ZNF423: variants seen among roughly 807,000 people sequenced by gnomAD.
ZNF423 encodes the protein Ebf-associated zinc finger protein.
ZNF423 carries 12 observed loss-of-function variants against 95.8 expected under a neutral mutation model. The observed-to-expected ratio is 0.13, with a 90% CI of 0.08 to 0.20. ZNF423 has a LOEUF of 0.20. Among genes scored for constraint, ZNF423 ranks in the 10% least tolerant of loss-of-function variants. The probability of loss-of-function intolerance (pLI) is 1.00; values close to 1 mark genes in which losing one functional copy is unlikely to be tolerated. For missense variants in ZNF423, 1,316 were observed against 1,737.1 expected (o/e 0.76, Z 4.31); for synonymous variants, 749 against 711.9 (o/e 1.05, Z -0.83).
At chr16:49,715,747 A>C (rs1328952449) in intron 3 of ZNF423, among the ~76,000 whole-genome samples, 4 of 151,554 alleles carry the variant, frequency 2.6e-5, no homozygotes. Flanking sequence ...CCTGTCTCCC[A>C]ACAACAAAAG....
At chr16:49,522,292 C>A (rs1188234895) in intron 7 of ZNF423, among the ~76,000 whole-genome samples, 1 of 152,170 alleles carries the variant, frequency 6.6e-6, no homozygotes, top group African/African-American at 2.4e-5. Context: ...TTACTCTAGT[C>A]AACACAATGT....
At chr16:49,580,545 A>G (rs1198997239) in intron 5 of ZNF423, among the ~76,000 whole-genome samples, 2 of 152,176 alleles carry the variant, frequency 1.3e-5, no homozygotes, top group Admixed American at 6.5e-5. Context: ...AGTTAGCTCA[A>G]AGCAGAACTT....
intron 1 of ZNF423, among the ~76,000 whole-genome samples, chr16:49,811,795 G>A (rs911539829): frequency 2.9e-5 from 2 of 68,614 alleles, no homozygotes; most frequent in Non-Finnish European, 5.7e-5. Context: ...CCCAGGCCCC[G>A]CCTGACCGCC....
At chr16:49,717,593 C>T (rs867983024) in intron 3 of ZNF423, among the ~76,000 whole-genome samples, 1 of 152,228 alleles carries the variant, frequency 6.6e-6, no homozygotes, top group Non-Finnish European at 1.5e-5. Context: ...CTGGGTCCTT[C>T]GCCCTTCACT....
At chr16:49,677,335 G>GAA (rs2031144571) in intron 3 of ZNF423, among the ~76,000 whole-genome samples, 3 of 36,412 alleles carry the variant, frequency 8.2e-5, no homozygotes, top group African/African-American at 1.9e-4. Flanking sequence ...GGGGAGGGGA[G>GAA]GGGAGGGGAG....
chr16:49,788,633 C>T (rs1476958307), intron 2 of ZNF423, among the ~76,000 whole-genome samples: 1 of 152,214 alleles, frequency 6.6e-6, no homozygotes, highest in Non-Finnish European at 1.5e-5. Context: ...TAGGATTCTG[C>T]AAGACTGAAG....
rs191203194 is a variant in ZNF423 at position 49,805,054 on chromosome 16, C to T, written c.41-15508G>A. 8.7e-4 allele frequency among the ~76,000 whole-genome samples: 132 copies of T among 152,072 alleles called. 1 individual carries two copies. The highest frequency in any genetic ancestry group is 8.4e-3 in the Admixed American group (128 of 15,268). On this transcript the variant is annotated intron_variant, in intron 1 of 7. Coordinates refer to ENST00000563137, the MANE Select transcript of ZNF423 (RefSeq NM_001379286.1). ...AGCTGGGATTACAGGTGCCCACCACCGCACCCAGCTAATTTTTGTATATTT... is the reference window on the plus strand; with the variant it reads ...AGCTGGGATTACAGGTGCCCACCACTGCACCCAGCTAATTTTTGTATATTT...
chr16:49,523,465 G>A (rs1231008011), intron 7 of ZNF423, among the ~76,000 whole-genome samples, 159 bp downstream of exon 7: 1 of 152,232 alleles, frequency 6.6e-6, no homozygotes, highest in African/African-American at 2.4e-5. Flanking sequence ...CAGAGGCCAG[G>A]GGGCTGAAAC....
chr16:49,773,994 C>T (rs572517057), intron 2 of ZNF423, among the ~76,000 whole-genome samples: 2 of 152,292 alleles, frequency 1.3e-5, no homozygotes, highest in South Asian at 2.1e-4. Context: ...CAGACATGCA[C>T]GAGCTCAAGG....
At chr16:49,731,264 A>T (rs2033161815) in intron 2 of ZNF423, 2 of 964,682 alleles carry the variant, frequency 2.1e-6, no homozygotes, top group Non-Finnish European at 1.2e-6. Context: ...GAAAAACCTT[A>T]TTTGTCTCCT....
At chr16:49,858,607 C>T (rs1035844823), upstream of ZNF423, among the ~76,000 whole-genome samples, 4 of 152,126 alleles carry the variant, frequency 2.6e-5, no homozygotes, top group African/African-American at 4.8e-5. This position sits in a 1 kb window ranked among gnomAD's most constrained non-coding sequence, Gnocchi z 4.3. Flanking sequence ...AGACCTAAGC[C>T]TTGAGGGCCG....
intron 3 of ZNF423, among the ~76,000 whole-genome samples, chr16:49,705,556 C>T (rs1334033603): frequency 6.6e-6 from 1 of 152,014 alleles, no homozygotes. Flanking sequence ...ATTTTTTGTG[C>T]GTGATTTTGA....
intron 3 of ZNF423, among the ~76,000 whole-genome samples, chr16:49,696,758 C>T (rs2031989844): frequency 6.6e-6 from 1 of 152,042 alleles, no homozygotes; most frequent in Non-Finnish European, 1.5e-5. Context: ...TGACCTCAGG[C>T]AAGCCCCCCC....
intron 7 of ZNF423, among the ~76,000 whole-genome samples, chr16:49,517,054 G>C (rs548038688): frequency 5.9e-5 from 9 of 152,214 alleles, no homozygotes; most frequent in Non-Finnish European, 1.0e-4. Context: ...AAGTCAGGCT[G>C]TAGAGAGAGA....
At chr16:49,703,883 T>C (rs1336004037) in intron 3 of ZNF423, among the ~76,000 whole-genome samples, 1 of 152,092 alleles carries the variant, frequency 6.6e-6, no homozygotes, top group Non-Finnish European at 1.5e-5. Context: ...CCCAGCCCAG[T>C]GCCCGGCACA....
intron 3 of ZNF423, among the ~76,000 whole-genome samples, chr16:49,687,983 A>G (rs796765517): frequency 3.9e-5 from 6 of 151,942 alleles, no homozygotes; most frequent in African/African-American, 1.4e-4. Context: ...CCCTCCCAAA[A>G]AACAGCCAGA....
intron 3 of ZNF423, among the ~76,000 whole-genome samples, chr16:49,722,712 G>GA (rs780741072): frequency 1.2e-4 from 18 of 152,250 alleles, no homozygotes; most frequent in Admixed American, 9.8e-4. Flanking sequence ...CAGGAGGGCT[G>GA]TAGCCTCCTT....
At chr16:49,770,212 G>GAATT (rs922363135) in intron 2 of ZNF423, among the ~76,000 whole-genome samples, 4 of 151,878 alleles carry the variant, frequency 2.6e-5, no homozygotes, top group Non-Finnish European at 4.4e-5. Context: ...ACGAATGAAT[G>GAATT]AATGAATGAA....
intron 2 of ZNF423, among the ~76,000 whole-genome samples, chr16:49,785,360 C>G (rs2034293841): frequency 6.6e-6 from 1 of 152,192 alleles, no homozygotes; most frequent in Non-Finnish European, 1.5e-5. Flanking sequence ...GGATTACAGG[C>G]ATGAGCTACC....
Sources: allele counts gnomAD v4.1 joint callset (sites outside exome capture counted in the v4.1 genomes callset), GRCh38; gene constraint gnomAD v4.1.1; non-coding constraint Gnocchi (gnomAD v3.1); transcripts MANE v1.5; gene names NCBI Gene and HGNC (gene_info 2026-07-23, HGNC 2026-07-21).